B3GLCT: variants seen among roughly 807,000 people sequenced by gnomAD.
B3GLCT encodes the protein beta 3-glucosyltransferase.
B3GLCT carries 65 observed loss-of-function variants against 63.4 expected under a neutral mutation model. The observed-to-expected ratio is 1.03, with a 90% confidence interval of 0.84 to 1.26. The LOEUF is 1.26. B3GLCT is among the 50% of genes most tolerant of loss of function. B3GLCT has a pLI of 0.00. For missense variants in B3GLCT, 577 were observed against 604.8 expected, an observed-to-expected ratio of 0.95 and a Z score of 0.48; for synonymous variants, 233 against 219.2, an observed-to-expected ratio of 1.06 and a Z score of -0.55.
At chr13:31,204,251 C>CT (rs1373512887) in intron 1 of B3GLCT, among the ~76,000 whole-genome samples, 3 of 152,172 alleles carry the variant, frequency 2.0e-5, no homozygotes, top group Non-Finnish European at 4.4e-5. Flanking sequence ...TGTCTGGATA[C>CT]TTTTTGGTTA....
At chr13:31,254,363 G>T (rs1871608903) in intron 6 of B3GLCT, among the ~76,000 whole-genome samples, 1 of 152,186 alleles carries the variant, frequency 6.6e-6, no homozygotes, top group African/African-American at 2.4e-5. Context: ...ATGCAAGGCT[G>T]GCTCAACATA....
chr13:31,328,966 T>C (rs763096844), intron 14 of B3GLCT, among the ~76,000 whole-genome samples: 1 of 152,176 alleles, frequency 6.6e-6, no homozygotes, highest in African/African-American at 2.4e-5. Flanking sequence ...AGACTAGATA[T>C]TTGGTCAGGA....
chr13:31,295,407 GT>G (rs1873883313), intron 12 of B3GLCT, among the ~76,000 whole-genome samples: 2 of 152,254 alleles, frequency 1.3e-5, no homozygotes, highest in East Asian at 3.9e-4. Flanking sequence ...TGCTGAAGCT[GT>G]GCCCACTGCC....
chr13:31,229,060 A>T (rs1593258259), intron 3 of B3GLCT, 125 bp from the exon 4 acceptor site: 2 of 676,672 alleles, frequency 3.0e-6, no homozygotes, highest in Non-Finnish European at 5.3e-6. Flanking sequence ...ATACGAATTG[A>T]TTTTTTCCCA....
intron 12 of B3GLCT, among the ~76,000 whole-genome samples, chr13:31,289,104 T>C (rs1849167): frequency 0.67 from 101,657 of 151,506 alleles, 36,057 homozygotes; most frequent in Middle Eastern, 0.79. Flanking sequence ...AAATACAAAA[T>C]ACATTTGAAA....
intron 7 of B3GLCT, 135 bp downstream of exon 7, chr13:31,261,217 G>C (rs1872016302): frequency 9.9e-7 from 1 of 1,009,812 alleles, no homozygotes; most frequent in South Asian, 1.6e-5. Context: ...GTAAGATCTG[G>C]AAAAGGAGCC....
intron 1 of B3GLCT, among the ~76,000 whole-genome samples, chr13:31,208,017 C>CAG (rs1381399463): frequency 1.3e-5 from 2 of 152,132 alleles, no homozygotes; most frequent in African/African-American, 2.4e-5. Flanking sequence ...AACAGAGGCT[C>CAG]AGAGAGGTTG....
In B3GLCT at chr13:31,288,753, C is replaced by T. The variant is rs1438689188; in HGVS notation, c.1064+1934C>T. On this transcript the variant is annotated intron_variant, in intron 12 of 14. Transcript: ENST00000343307. ...TATACATCTTCAGGAAAAATATTCT[C>T]CCCTACAAAAGCAATTTTTAAAAAT... 2.0e-5 allele frequency among the ~76,000 whole-genome samples: 3 copies of T among 152,090 alleles called. No homozygotes were observed. The East Asian group carries it at 5.8e-4, about 29-fold the overall frequency.
chr13:31,246,972 T>TTTTTTG, intron 4 of B3GLCT, 51 bp from the exon 5 acceptor site: 1 of 1,231,114 alleles, frequency 8.1e-7, no homozygotes, highest in Non-Finnish European at 1.2e-6. Context: ...TTTTTACTTT[T>TTTTTTG]TTTCGGAGTA....
At chr13:31,200,741 C>A (rs962285504) in intron 1 of B3GLCT, among the ~76,000 whole-genome samples, 16 of 152,150 alleles carry the variant, frequency 1.1e-4, no homozygotes, top group African/African-American at 3.6e-4. Context: ...CGTGCCCTGG[C>A]CCCTGAGGAT....
At chr13:31,202,777 G>A (rs1044000823) in intron 1 of B3GLCT, among the ~76,000 whole-genome samples, 1 of 152,152 alleles carries the variant, frequency 6.6e-6, no homozygotes, top group African/African-American at 2.4e-5. Flanking sequence ...CTATTAAGTG[G>A]ATCTGAGGGA....
intron 3 of B3GLCT, 93 bp from the exon 4 acceptor site, chr13:31,229,092 G>T (rs149654250): frequency 2.4e-6 from 2 of 818,218 alleles, no homozygotes; most frequent in African/African-American, 1.7e-5. Context: ...CTGCCTGAAG[G>T]TTTGCTTTGT....
intron 6 of B3GLCT, among the ~76,000 whole-genome samples, chr13:31,258,814 G>A (rs1360298472): frequency 6.6e-6 from 1 of 152,186 alleles, no homozygotes; most frequent in Non-Finnish European, 1.5e-5. Context: ...AGCTTCCTGA[G>A]TCTACAACTT....
chr13:31,290,026 C>T (rs1175986193), intron 12 of B3GLCT, among the ~76,000 whole-genome samples: 1 of 152,148 alleles, frequency 6.6e-6, no homozygotes, highest in African/African-American at 2.4e-5. Context: ...AGCCACCCCA[C>T]CTTCCAACAG....
intron 7 of B3GLCT, among the ~76,000 whole-genome samples, chr13:31,268,613 A>G (rs1038525347): frequency 4.6e-5 from 7 of 152,300 alleles, no homozygotes; most frequent in African/African-American, 1.7e-4. Flanking sequence ...TTGGGAGAGA[A>G]CAATGGGGAG....
intron 6 of B3GLCT, among the ~76,000 whole-genome samples, chr13:31,253,930 T>C (rs1871581018): frequency 6.6e-6 from 1 of 151,834 alleles, no homozygotes; most frequent in African/African-American, 2.4e-5. Flanking sequence ...AACTAGAAAA[T>C]CTAGAAAAAA....
chr13:31,277,425 T>C lies in B3GLCT; in HGVS notation c.850+654T>C, dbSNP rs544135358. Among the ~76,000 whole-genome samples the C allele has an allele frequency of 7.9e-5, 12 of 152,128 alleles. No individual in the cohort carries two copies. In the South Asian group the frequency reaches 2.1e-3, roughly 26 times the overall value. On this transcript the variant is annotated intron_variant, in intron 10 of 14. Coordinates refer to ENST00000343307, the MANE Select transcript of B3GLCT (RefSeq NM_194318.4). ...AGCCCATCCTAAATATAAATAGACA[T>C]AATTTCTCTCTTTTTGCACCTTATT...
intron 1 of B3GLCT, among the ~76,000 whole-genome samples, chr13:31,204,496 G>A (rs907369102): frequency 3.3e-5 from 5 of 152,180 alleles, no homozygotes; most frequent in African/African-American, 1.2e-4. Context: ...AGGTAAGTGG[G>A]TGGCAGAGCT....
chr13:31,301,866 C>A (rs927411500), intron 12 of B3GLCT, among the ~76,000 whole-genome samples: 1 of 152,142 alleles, frequency 6.6e-6, no homozygotes, highest in Non-Finnish European at 1.5e-5. Context: ...TGTATTAAGA[C>A]TTTTGTTTTA....
Sources: allele counts gnomAD v4.1 joint callset (sites outside exome capture counted in the v4.1 genomes callset), GRCh38; gene constraint gnomAD v4.1.1; transcripts MANE v1.5; gene names NCBI Gene and HGNC (gene_info 2026-07-23, HGNC 2026-07-21).